Variants in CPEB3 observed in about 807,000 individuals in gnomAD.
CPEB3 encodes cytoplasmic polyadenylation element-binding protein 3.
A neutral mutation model predicts 67.2 loss-of-function variants in CPEB3; 20 were observed. The observed-to-expected ratio is 0.30, with a 90% CI of 0.21 to 0.43. The LOEUF is 0.43. Among genes scored for constraint, CPEB3 ranks in the 20% least tolerant of loss-of-function variants. The pLI is 1.00. For synonymous variants in CPEB3, 376 were observed against 393.1 expected, an observed-to-expected ratio of 0.96 and a Z score of 0.51; for missense variants, 746 against 968.6, an observed-to-expected ratio of 0.77 and a Z score of 3.05.
At chr10:92,233,430 G>A (rs1200997121) in intron 2 of CPEB3, among the ~76,000 whole-genome samples, 1 of 151,736 alleles carries the variant, frequency 6.6e-6, no homozygotes, top group East Asian at 1.9e-4. Context: ...CCAGCTACCA[G>A]GGAGGTTGAG....
At chr10:92,260,655 A>G (rs1313919175) in intron 1 of CPEB3, among the ~76,000 whole-genome samples, 3 of 151,854 alleles carry the variant, frequency 2.0e-5, no homozygotes, top group Admixed American at 2.0e-4. Context: ...CCCAAGCTGG[A>G]GTGCAATAGT....
At chr10:92,286,028 T>C (rs1842511641) in intron 1 of CPEB3, among the ~76,000 whole-genome samples, 1 of 151,598 alleles carries the variant, frequency 6.6e-6, no homozygotes, top group Non-Finnish European at 1.5e-5. Flanking sequence ...CTCCGCCTCA[T>C]GGATTCACGC....
At position 92,239,447 on chromosome 10, in the gene CPEB3, C is replaced by T. The variant is rs1237633058; in HGVS notation, c.904G>A (p.Ala302Thr). Residue 302 changes from alanine to threonine, a missense_variant, in exon 2 of 10, where the codon GCG becomes ACG. This residue lies in a region of CPEB3 where 643 missense variants were observed against 717.5 expected (regional missense o/e 0.90). Transcript: ENST00000265997. This position sits in a 1 kb window ranked among gnomAD's most constrained non-coding sequence, Gnocchi z 6.0. ...LKKPFSSNVI[A>T]PPKFPRAAPL... ...GCCGCGCGAGGGAACTTGGGCGGCGCGATCACGTTGCTGGAGAAGGGCTTT... is the reference window on the plus strand; with the variant it reads ...GCCGCGCGAGGGAACTTGGGCGGCGTGATCACGTTGCTGGAGAAGGGCTTT... The T allele has an allele frequency of 6.3e-7, 1 of 1,599,358 alleles. No individual in the cohort carries two copies. Among genetic ancestry groups the T allele is most frequent in the South Asian group, 1.1e-5 (1 of 88,974 alleles).
At chr10:92,053,254 A>T (rs1313659024) in intron 9 of CPEB3, among the ~76,000 whole-genome samples, 1 of 152,234 alleles carries the variant, frequency 6.6e-6, no homozygotes, top group African/African-American at 2.4e-5. Context: ...ATCTAAACGA[A>T]GCAAAGCTGC....
intron 4 of CPEB3, among the ~76,000 whole-genome samples, chr10:92,168,988 G>A (rs576578366): frequency 6.6e-6 from 1 of 150,770 alleles, no homozygotes; most frequent in African/African-American, 2.4e-5. Flanking sequence ...TAGAGATGGG[G>A]TTTCATCATA....
intron 7 of CPEB3, among the ~76,000 whole-genome samples, chr10:92,097,513 T>C (rs961898076): frequency 4.6e-5 from 7 of 152,250 alleles, no homozygotes; most frequent in South Asian, 2.1e-4. Flanking sequence ...TCTAAATTCT[T>C]ATCTTCTGTT....
At chr10:92,056,580 A>G (rs190460854) in intron 9 of CPEB3, among the ~76,000 whole-genome samples, 1 of 152,298 alleles carries the variant, frequency 6.6e-6, no homozygotes, top group Non-Finnish European at 1.5e-5. Flanking sequence ...GCAGTGGGAA[A>G]TTGAGTTCCC....
At chr10:92,197,072 A>G (rs1271245513) in intron 2 of CPEB3, among the ~76,000 whole-genome samples, 3 of 152,204 alleles carry the variant, frequency 2.0e-5, no homozygotes, top group Admixed American at 2.0e-4. Context: ...CTATCTCAAG[A>G]GTACTGAAAA....
intron 6 of CPEB3, among the ~76,000 whole-genome samples, chr10:92,141,382 C>CA (rs1846410644): frequency 6.8e-6 from 1 of 146,110 alleles, no homozygotes. Context: ...ATCACAAGGA[C>CA]AAAAAACCAA....
chr10:92,102,132 T>C (rs1318952658), intron 7 of CPEB3, among the ~76,000 whole-genome samples: 1 of 151,984 alleles, frequency 6.6e-6, no homozygotes, highest in African/African-American at 2.4e-5. Context: ...AGATGCTATC[T>C]ATTATTCTCA....
intron 3 of CPEB3, among the ~76,000 whole-genome samples, chr10:92,191,190 T>A (rs1322311245): frequency 6.6e-6 from 1 of 151,798 alleles, no homozygotes; most frequent in Non-Finnish European, 1.5e-5. Flanking sequence ...TCACTAGAGG[T>A]CAGGAGTCTG....
intron 4 of CPEB3, among the ~76,000 whole-genome samples, chr10:92,151,647 AC>A (rs1846974393): frequency 6.6e-6 from 1 of 152,234 alleles, no homozygotes; most frequent in Non-Finnish European, 1.5e-5. Flanking sequence ...TAATGTGTTT[AC>A]AAGTGAACTT....
intron 2 of CPEB3, among the ~76,000 whole-genome samples, chr10:92,192,980 G>A (rs1245046817): frequency 3.9e-5 from 6 of 152,286 alleles, no homozygotes; most frequent in African/African-American, 1.2e-4. Flanking sequence ...GAGAGGCCAA[G>A]GTGGGCAGAT....
chr10:92,218,885 G>A (rs928092687), intron 2 of CPEB3, among the ~76,000 whole-genome samples: 3 of 151,882 alleles, frequency 2.0e-5, no homozygotes, highest in African/African-American at 7.3e-5. Context: ...TATGATCACA[G>A]CTCGCTGCAG....
At chr10:92,105,260 A>C (rs1392370342) in intron 7 of CPEB3, among the ~76,000 whole-genome samples, 1 of 152,236 alleles carries the variant, frequency 6.6e-6, no homozygotes, top group Non-Finnish European at 1.5e-5. Context: ...GTACTAAGCA[A>C]AGAATGAAAT....
At chr10:92,198,394 AC>A (rs1281685701) in intron 2 of CPEB3, among the ~76,000 whole-genome samples, 1 of 152,178 alleles carries the variant, frequency 6.6e-6, no homozygotes, top group Non-Finnish European at 1.5e-5. Context: ...TTGGTCAATG[AC>A]CTTTGCTCAA....
intron 1 of CPEB3, among the ~76,000 whole-genome samples, chr10:92,280,728 G>A (rs2135072101): frequency 6.7e-6 from 1 of 148,236 alleles, no homozygotes; most frequent in East Asian, 2.0e-4. Context: ...TATACATACA[G>A]GCTAATAGAC....
chr10:92,193,454 A>T (rs1448256263), intron 2 of CPEB3, among the ~76,000 whole-genome samples: 1 of 151,480 alleles, frequency 6.6e-6, no homozygotes, highest in Non-Finnish European at 1.5e-5. Context: ...CACCCCAGAG[A>T]AAGACCACAA....
chr10:92,284,042 T>C (rs1319105704), intron 1 of CPEB3, among the ~76,000 whole-genome samples: 5 of 140,888 alleles, frequency 3.5e-5, no homozygotes, highest in East Asian at 2.0e-4. Context: ...TGGGGTCTCT[T>C]TTTTTTTTTT....
Sources: gnomAD v4.1 joint callset for allele counts (sites outside exome capture counted in the v4.1 genomes callset) on GRCh38, gnomAD v4.1.1 for gene constraint, gnomAD v4.1.1 regional missense constraint, Gnocchi (gnomAD v3.1) non-coding constraint, MANE v1.5 for transcripts, NCBI Gene and HGNC (gene_info 2026-07-23, HGNC 2026-07-21) for gene names.